Variants in CTNNA3 observed in about 807,000 individuals in gnomAD.
The protein encoded by CTNNA3 is catenin alpha 3.
Under a neutral mutation model 95.7 loss-of-function variants are expected in CTNNA3, and 76 were observed. The ratio of observed to expected loss-of-function variants is 0.79; its 90% CI spans 0.66 to 0.96. The LOEUF (loss-of-function observed/expected upper bound fraction) is 0.96, where lower values mean the gene tolerates loss of function less well. Ranked by LOEUF, CTNNA3 falls within the 40% of genes least tolerant of loss-of-function variation. The probability of loss-of-function intolerance (pLI) is 0.00; values close to 1 mark genes in which losing one functional copy is unlikely to be tolerated. For synonymous variants in CTNNA3, 431 were observed against 374.4 expected (o/e 1.15, Z -1.74); for missense variants, 1,191 against 1,089.8 (o/e 1.09, Z -1.31).
At chr10:66,128,976 A>G (rs1023517765) in intron 13 of CTNNA3, among the ~76,000 whole-genome samples, 1 of 152,136 alleles carries the variant, frequency 6.6e-6, no homozygotes, top group African/African-American at 2.4e-5. Context: ...AAACAAAAAA[A>G]AAACTTGGCT....
At chr10:66,407,221 A>G (rs1357006033) in intron 11 of CTNNA3, among the ~76,000 whole-genome samples, 3 of 150,110 alleles carry the variant, frequency 2.0e-5, no homozygotes, top group Admixed American at 1.3e-4. Flanking sequence ...AAAAAAAAAC[A>G]GGAAAGGAAG....
chr10:66,562,315 T>C (rs1458976458), intron 10 of CTNNA3, among the ~76,000 whole-genome samples: 2 of 152,108 alleles, frequency 1.3e-5, no homozygotes, highest in Non-Finnish European at 2.9e-5. Flanking sequence ...ATGTAAACAT[T>C]ATTACCCTCA....
chr10:66,501,716 T>A (rs1277867059), intron 11 of CTNNA3, among the ~76,000 whole-genome samples: 1 of 152,086 alleles, frequency 6.6e-6, no homozygotes, highest in East Asian at 1.9e-4. Flanking sequence ...TAGCTTTGAG[T>A]TTTCATATAC....
intron 5 of CTNNA3, among the ~76,000 whole-genome samples, chr10:67,224,110 T>C (rs563958356): frequency 5.9e-5 from 9 of 152,318 alleles, no homozygotes; most frequent in Non-Finnish European, 1.2e-4. Flanking sequence ...TGTGAGAACA[T>C]GTAAGATCTA....
At chr10:66,225,988 C>T (rs541195096) in intron 13 of CTNNA3, among the ~76,000 whole-genome samples, 2 of 152,162 alleles carry the variant, frequency 1.3e-5, no homozygotes, top group African/African-American at 4.8e-5. Context: ...GAGTAGTATG[C>T]AAATATTTTC....
intron 15 of CTNNA3, among the ~76,000 whole-genome samples, chr10:65,993,938 G>T (rs1163751648): frequency 6.6e-6 from 1 of 152,096 alleles, no homozygotes; most frequent in Non-Finnish European, 1.5e-5. Flanking sequence ...GTTTCACCAT[G>T]TTGGCCAGAC....
chr10:66,927,676 T>C lies in CTNNA3; in HGVS notation c.1048-152152A>G, dbSNP rs1847151891. 6.2e-7 allele frequency: 1 copy of C among 1,614,038 alleles called. No individual in the cohort carries two copies. Among genetic ancestry groups the C allele is most frequent in the Non-Finnish European group, 8.5e-7 (1 of 1,180,040 alleles). ...ACAGACCATGTCCTGGACCTGGAGC[T>C]CCTTACAAAGGCTTGATTTATCAGG... On this transcript the variant is annotated intron_variant, in intron 7 of 17. Coordinates refer to ENST00000433211, the MANE Select transcript of CTNNA3 (RefSeq NM_013266.4). This position sits in a 1 kb window ranked among gnomAD's most constrained non-coding sequence, Gnocchi z 4.7.
chr10:66,037,020 C>T (rs2079578979), intron 15 of CTNNA3, among the ~76,000 whole-genome samples: 1 of 151,686 alleles, frequency 6.6e-6, no homozygotes, highest in African/African-American at 2.4e-5. Context: ...CTACAGGCAC[C>T]CGCCACCATG....
intron 15 of CTNNA3, among the ~76,000 whole-genome samples, chr10:66,049,149 A>G (rs2079896412): frequency 1.3e-5 from 2 of 152,244 alleles, no homozygotes; most frequent in Admixed American, 6.5e-5. Flanking sequence ...CACTTCTCAA[A>G]AGAAGACACA....
chr10:66,153,297 G>C (rs34900971), intron 13 of CTNNA3, among the ~76,000 whole-genome samples: 1 of 151,858 alleles, frequency 6.6e-6, no homozygotes, highest in African/African-American at 2.4e-5. Flanking sequence ...GGTCGTCTCA[G>C]GGTTGGACTC....
At chr10:67,715,729 C>A (rs1452998351) in intron 1 of CTNNA3, among the ~76,000 whole-genome samples, 2 of 152,066 alleles carry the variant, frequency 1.3e-5, no homozygotes, top group Non-Finnish European at 2.9e-5. Flanking sequence ...AGAATTAGAA[C>A]AGGGGCTGTG....
chr10:66,127,830 A>T (rs2082895042), intron 13 of CTNNA3, among the ~76,000 whole-genome samples: 1 of 152,184 alleles, frequency 6.6e-6, no homozygotes, highest in Admixed American at 6.5e-5. Flanking sequence ...TAATTCCAGT[A>T]CTTTGGGAGG....
chr10:67,599,235 T>G (rs1843009300), intron 3 of CTNNA3, among the ~76,000 whole-genome samples: 1 of 152,224 alleles, frequency 6.6e-6, no homozygotes, highest in Non-Finnish European at 1.5e-5. Context: ...AACTCAACAC[T>G]CTTCCAAGGA....
At chr10:66,224,163 T>G (rs988465363) in intron 13 of CTNNA3, among the ~76,000 whole-genome samples, 5 of 152,190 alleles carry the variant, frequency 3.3e-5, no homozygotes, top group Admixed American at 2.6e-4. Context: ...CTCCATTGAC[T>G]CCCCTGGTTC....
At chr10:67,012,244 AAGGGATCATCT>A (rs1320795419) in intron 7 of CTNNA3, 1 of 152,182 alleles carries the variant, frequency 6.6e-6, no homozygotes, top group East Asian at 1.9e-4. Flanking sequence ...TCAGAGCTGA[AAGGGATCATCT>A]AGTCCAACCC....
At chr10:66,265,213 C>G (rs1263026600) in intron 13 of CTNNA3, among the ~76,000 whole-genome samples, 1 of 152,010 alleles carries the variant, frequency 6.6e-6, no homozygotes, top group Non-Finnish European at 1.5e-5. Flanking sequence ...GTTGTGATAA[C>G]ACCAAAAGTA....
chr10:67,737,310 A>C (rs1192290273), intron 1 of CTNNA3, among the ~76,000 whole-genome samples: 1 of 152,186 alleles, frequency 6.6e-6, no homozygotes, highest in African/African-American at 2.4e-5. Context: ...ATGAAAATGA[A>C]AATACAACAT....
chr10:66,007,670 T>A (rs2078915385), intron 15 of CTNNA3, among the ~76,000 whole-genome samples: 1 of 135,566 alleles, frequency 7.4e-6, no homozygotes, highest in Non-Finnish European at 1.6e-5. Flanking sequence ...CATATTGGTG[T>A]CATTCTGAAA....
intron 9 of CTNNA3, among the ~76,000 whole-genome samples, chr10:66,685,353 T>A (rs7095951): frequency 0.012 from 126 of 10,168 alleles, no homozygotes; most frequent in Middle Eastern, 0.12. Flanking sequence ...ATATATATAT[T>A]TTTTTTTTTT....
Sources: allele counts gnomAD v4.1 joint callset (sites outside exome capture counted in the v4.1 genomes callset), GRCh38; gene constraint gnomAD v4.1.1; non-coding constraint Gnocchi (gnomAD v3.1); transcripts MANE v1.5; gene names NCBI Gene and HGNC (gene_info 2026-07-23, HGNC 2026-07-21).